The following ANGPT1 variants were observed in gnomAD, a reference collection of about 807,000 sequenced individuals.
The protein encoded by ANGPT1 is angiopoietin 1, also known as angiopoietin-1.
ANGPT1 carries 17 observed loss-of-function variants against 62.2 expected under a neutral mutation model. The observed-to-expected ratio is 0.27, with a 90% CI of 0.19 to 0.41. ANGPT1 has a LOEUF of 0.41. Ranked by LOEUF, ANGPT1 falls within the 10% of genes least tolerant of loss-of-function variation. The pLI is 1.00. For missense variants in ANGPT1, 478 were observed against 594.9 expected (o/e 0.80, Z 2.04); for synonymous variants, 199 against 198.9 (o/e 1.00, Z 0.00).
intron 7 of ANGPT1, among the ~76,000 whole-genome samples, chr8:107,275,273 G>A (rs144002128): frequency 8.5e-5 from 13 of 152,166 alleles, no homozygotes; most frequent in Non-Finnish European, 1.5e-4. Flanking sequence ...CACAAGCAGC[G>A]GTTCTCCTTT....
intron 2 of ANGPT1, among the ~76,000 whole-genome samples, chr8:107,344,165 A>G (rs1815754919): frequency 6.6e-6 from 1 of 152,206 alleles, no homozygotes. Flanking sequence ...AAAATTACTT[A>G]GAACTGAGGC....
At chr8:107,269,543 ATTAG>A (rs1813691688) in intron 7 of ANGPT1, among the ~76,000 whole-genome samples, 1 of 152,100 alleles carries the variant, frequency 6.6e-6, no homozygotes, top group African/African-American at 2.4e-5. Flanking sequence ...AGTGTGAAAC[ATTAG>A]TTAGAATACA....
At chr8:107,308,197 C>A (rs751669895) in intron 4 of ANGPT1, among the ~76,000 whole-genome samples, 1 of 149,188 alleles carries the variant, frequency 6.7e-6, no homozygotes, top group South Asian at 2.2e-4. Flanking sequence ...CAGCCTGATG[C>A]GAAAAAGATC....
At chr8:107,438,748 G>A (rs1811398008) in intron 1 of ANGPT1, among the ~76,000 whole-genome samples, 1 of 152,080 alleles carries the variant, frequency 6.6e-6, no homozygotes, top group Non-Finnish European at 1.5e-5. Flanking sequence ...ATTTTATGTA[G>A]TGGGTGGTCT....
chr8:107,296,446 T>C (rs1180002842), intron 5 of ANGPT1, among the ~76,000 whole-genome samples: 1 of 151,974 alleles, frequency 6.6e-6, no homozygotes. Flanking sequence ...TCATCAAAGG[T>C]TTCAGAAAAG....
chr8:107,377,271 A>C lies in ANGPT1; in HGVS notation c.298-30174T>G, dbSNP rs570451705. On this transcript the variant is annotated intron_variant, in intron 1 of 8. Transcript: ENST00000517746. ...GCTTTTCCTTTATTCTAAAATAACT[A>C]TATAATAAACATACTGGACATTTTT... 3.5e-3 allele frequency among the ~76,000 whole-genome samples: 534 copies of C among 152,326 alleles called. 7 individuals are homozygous for C. The highest frequency in any genetic ancestry group is 0.012 in the African/African-American group (516 of 41,572).
chr8:107,472,641 T>C (rs1482007121), intron 1 of ANGPT1, among the ~76,000 whole-genome samples: 2 of 152,150 alleles, frequency 1.3e-5, no homozygotes, highest in Admixed American at 6.6e-5. Context: ...AAAACCACTA[T>C]AGGAACCTTA....
intron 5 of ANGPT1, among the ~76,000 whole-genome samples, chr8:107,299,086 C>T (rs576692866): frequency 2.2e-4 from 33 of 151,612 alleles, no homozygotes; most frequent in African/African-American, 7.5e-4. Context: ...AATCAACTTA[C>T]CTAATTTTCT....
intron 1 of ANGPT1, among the ~76,000 whole-genome samples, chr8:107,436,188 G>C (rs1486643173): frequency 1.3e-5 from 2 of 152,206 alleles, no homozygotes; most frequent in African/African-American, 4.8e-5. Flanking sequence ...TTAGAGGCAT[G>C]AGCCACAGTG....
chr8:107,435,957 C>T (rs1811321704), intron 1 of ANGPT1, among the ~76,000 whole-genome samples: 1 of 152,200 alleles, frequency 6.6e-6, no homozygotes, highest in Admixed American at 6.5e-5. Context: ...GGCTAGAGTG[C>T]AGTGGCCTAA....
At chr8:107,370,377 A>AGTC (rs1816374651) in intron 1 of ANGPT1, among the ~76,000 whole-genome samples, 1 of 53,496 alleles carries the variant, frequency 1.9e-5, no homozygotes, top group African/African-American at 4.4e-5. Context: ...AGAAAGAAAG[A>AGTC]AAGAAAGAAA....
At chr8:107,345,766 A>G (rs2130154806) in intron 2 of ANGPT1, among the ~76,000 whole-genome samples, 1 of 152,280 alleles carries the variant, frequency 6.6e-6, no homozygotes, top group South Asian at 2.1e-4. Context: ...ATTTTCAGGG[A>G]CAATATGTAG....
intron 1 of ANGPT1, among the ~76,000 whole-genome samples, chr8:107,434,267 T>C (rs774343879): frequency 3.9e-5 from 6 of 152,126 alleles, no homozygotes; most frequent in African/African-American, 9.7e-5. Flanking sequence ...GTGTAGCATG[T>C]GTAATAGGCC....
intron 1 of ANGPT1, among the ~76,000 whole-genome samples, chr8:107,479,064 T>G (rs1812608686): frequency 6.6e-6 from 1 of 151,980 alleles, no homozygotes; most frequent in African/African-American, 2.4e-5. Flanking sequence ...GTCTTAACGG[T>G]TCTGCCACTT....
intron 1 of ANGPT1, among the ~76,000 whole-genome samples, chr8:107,356,269 T>G (rs1243843546): frequency 6.6e-6 from 1 of 152,136 alleles, no homozygotes; most frequent in Non-Finnish European, 1.5e-5. Context: ...TCAAGTAAAA[T>G]CCATGAAACA....
At chr8:107,305,199 G>A (rs1458626483) in intron 4 of ANGPT1, among the ~76,000 whole-genome samples, 1 of 151,950 alleles carries the variant, frequency 6.6e-6, no homozygotes, top group African/African-American at 2.4e-5. Context: ...CAGAAAAAGA[G>A]ATGTGAAGAA....
intron 3 of ANGPT1, among the ~76,000 whole-genome samples, chr8:107,327,106 G>A (rs974148765): frequency 2.6e-5 from 4 of 152,062 alleles, no homozygotes; most frequent in African/African-American, 7.2e-5. Flanking sequence ...TCTTTCCCAC[G>A]TATAAAAACA....
At chr8:107,370,667 C>T (rs112717003) in intron 1 of ANGPT1, among the ~76,000 whole-genome samples, 24,687 of 127,462 alleles carry the variant, frequency 0.19, 2,442 homozygotes, top group Admixed American at 0.28. Context: ...CACGCCACTG[C>T]ACTCCAGCCT....
chr8:107,298,192 A>T (rs1259646684), intron 5 of ANGPT1, among the ~76,000 whole-genome samples: 2 of 151,954 alleles, frequency 1.3e-5, no homozygotes, highest in African/African-American at 2.4e-5. Context: ...TGATTCACAT[A>T]GTTTTTATAC....
Sources: allele counts gnomAD v4.1 joint callset (sites outside exome capture counted in the v4.1 genomes callset), GRCh38; gene constraint gnomAD v4.1.1; transcripts MANE v1.5; gene names NCBI Gene and HGNC (gene_info 2026-07-23, HGNC 2026-07-21).